PPP1R9A: variants seen among roughly 807,000 people sequenced by gnomAD.
PPP1R9A encodes the protein protein phosphatase 1 regulatory subunit 9A.
In PPP1R9A, 59 loss-of-function variants were observed where a neutral mutation model predicts 141.9. The observed-to-expected ratio is 0.42, with a 90% CI of 0.34 to 0.52. PPP1R9A has a LOEUF of 0.52. Among genes scored for constraint, PPP1R9A ranks in the 20% least tolerant of loss-of-function variants. The pLI is 0.10. For missense variants in PPP1R9A, 1,444 were observed against 1,611.9 expected (o/e 0.90, Z 1.78); for synonymous variants, 500 against 569.7 (o/e 0.88, Z 1.74).
chr7:95,243,445 A>G (rs1345089561), intron 8 of PPP1R9A, among the ~76,000 whole-genome samples: 1 of 152,132 alleles, frequency 6.6e-6, no homozygotes, highest in Admixed American at 6.6e-5. Flanking sequence ...AAGCTTCATT[A>G]ATAATAACAG....
intron 2 of PPP1R9A, among the ~76,000 whole-genome samples, chr7:94,994,305 G>C (rs948787645): frequency 6.6e-5 from 10 of 152,032 alleles, no homozygotes; most frequent in African/African-American, 2.4e-4. Context: ...GGGTCTTCAG[G>C]GGAGAAGGTG....
chr7:95,196,797 G>A (rs533435131), intron 5 of PPP1R9A, among the ~76,000 whole-genome samples: 1 of 152,208 alleles, frequency 6.6e-6, no homozygotes, highest in Admixed American at 6.5e-5. Flanking sequence ...AAATAGTTTG[G>A]GTTGATGGAA....
intron 4 of PPP1R9A, among the ~76,000 whole-genome samples, chr7:95,160,590 G>A (rs1006727195): frequency 3.8e-4 from 57 of 151,924 alleles, no homozygotes; most frequent in African/African-American, 1.3e-3. Context: ...ATTGTGTGAG[G>A]CTGAGGTTTG....
chr7:95,179,420 C>G (rs1400819081), intron 5 of PPP1R9A, among the ~76,000 whole-genome samples: 1 of 152,086 alleles, frequency 6.6e-6, no homozygotes, highest in Non-Finnish European at 1.5e-5. Flanking sequence ...CATCATAATA[C>G]TCAATGGTGA....
At chr7:94,998,387 A>G (rs1311174664) in intron 2 of PPP1R9A, among the ~76,000 whole-genome samples, 3 of 152,172 alleles carry the variant, frequency 2.0e-5, no homozygotes, top group Non-Finnish European at 4.4e-5. Context: ...AGAAGGGTCA[A>G]ATGTTTTGTC....
At chr7:95,276,913 C>A (rs1803317118) in intron 16 of PPP1R9A, among the ~76,000 whole-genome samples, 1 of 152,012 alleles carries the variant, frequency 6.6e-6, no homozygotes, top group African/African-American at 2.4e-5. Flanking sequence ...AAAACCTATC[C>A]CAGGAAGAAC....
chr7:95,195,587 A>G (rs1223521660), intron 5 of PPP1R9A, among the ~76,000 whole-genome samples: 1 of 151,888 alleles, frequency 6.6e-6, no homozygotes, highest in Non-Finnish European at 1.5e-5. Context: ...ATGAATATTT[A>G]TAACAAAGTG....
chr7:94,973,585 T>G (rs1011837060), intron 2 of PPP1R9A, among the ~76,000 whole-genome samples: 60 of 152,296 alleles, frequency 3.9e-4, no homozygotes, highest in African/African-American at 1.4e-3. Flanking sequence ...AGATAATTCA[T>G]AGGGGACAAG....
At chr7:95,065,049 A>G (rs772313213) in intron 2 of PPP1R9A, among the ~76,000 whole-genome samples, 8 of 152,152 alleles carry the variant, frequency 5.3e-5, no homozygotes, top group South Asian at 2.1e-4. Context: ...CTGGAGCCCA[A>G]GTGTTTTTAT....
In PPP1R9A at chr7:95,129,341, A is replaced by T. The variant is rs188351381; in HGVS notation, c.1649+8509A>T. On this transcript the variant is annotated intron_variant, in intron 4 of 19. Transcript: ENST00000433360. ...GAGATCTGATGATTTTAAAAAGGAG[A>T]GATTCTCTGCACAAGCTCTTCTCTT... 1.4e-3 allele frequency among the ~76,000 whole-genome samples: 208 copies of T among 152,152 alleles called. 1 individual carries two copies. The highest frequency in any genetic ancestry group is 6.8e-3 in the Middle Eastern group (2 of 294).
At chr7:95,279,820 C>G (rs1437648987) in intron 16 of PPP1R9A, among the ~76,000 whole-genome samples, 1 of 152,174 alleles carries the variant, frequency 6.6e-6, no homozygotes, top group Non-Finnish European at 1.5e-5. Context: ...TACAAATTTT[C>G]TTAAACACCT....
chr7:94,908,706 G>A (rs1791096161), intron 1 of PPP1R9A: 1 of 152,280 alleles, frequency 6.6e-6, no homozygotes, highest in Non-Finnish European at 1.5e-5. Flanking sequence ...AGGGAATGGG[G>A]GGTGTGTGTA....
intron 2 of PPP1R9A, among the ~76,000 whole-genome samples, chr7:95,039,032 A>G (rs1391470390): frequency 6.6e-6 from 1 of 152,146 alleles, no homozygotes; most frequent in African/African-American, 2.4e-5. Flanking sequence ...CCTCATTCCT[A>G]TTTCCCATTA....
At chr7:95,269,147 G>T in intron 13 of PPP1R9A, 60 bp from the exon 14 acceptor site, 1 of 1,425,530 alleles carries the variant, frequency 7.0e-7, no homozygotes, top group Non-Finnish European at 9.5e-7. Context: ...TTCAAAGTAA[G>T]TATTGCATAG....
At chr7:95,075,617 C>T (rs1344620263) in intron 2 of PPP1R9A, among the ~76,000 whole-genome samples, 1 of 151,976 alleles carries the variant, frequency 6.6e-6, no homozygotes, top group African/African-American at 2.4e-5. Flanking sequence ...AGGCGGATCA[C>T]AATGTCAGGG....
intron 12 of PPP1R9A, among the ~76,000 whole-genome samples, chr7:95,263,625 T>C (rs1800788358): frequency 6.6e-6 from 1 of 152,234 alleles, no homozygotes. Context: ...GGTTTCACCA[T>C]GTTGTTGAAC....
intron 19 of PPP1R9A, 51 bp downstream of exon 19, chr7:95,288,769 C>T: frequency 6.3e-7 from 1 of 1,574,862 alleles, no homozygotes; most frequent in South Asian, 1.2e-5. Context: ...TTGTATTACT[C>T]ATATCACCTA....
chr7:95,215,207 G>A (rs1793075479), intron 7 of PPP1R9A, among the ~76,000 whole-genome samples: 1 of 143,292 alleles, frequency 7.0e-6, no homozygotes, highest in Admixed American at 7.7e-5. Flanking sequence ...ACCTATGAAT[G>A]AGAACATGCG....
At chr7:95,223,503 T>C (rs1474541272) in intron 7 of PPP1R9A, among the ~76,000 whole-genome samples, 1 of 152,062 alleles carries the variant, frequency 6.6e-6, no homozygotes, top group Non-Finnish European at 1.5e-5. Context: ...ACCAAGTTAA[T>C]GCGTTGGCAT....
Sources: allele counts gnomAD v4.1 joint callset (sites outside exome capture counted in the v4.1 genomes callset), GRCh38; gene constraint gnomAD v4.1.1; transcripts MANE v1.5; gene names NCBI Gene and HGNC (gene_info 2026-07-23, HGNC 2026-07-21).